Variants in KIAA1549 observed in about 807,000 individuals in gnomAD.
KIAA1549 encodes UPF0606 protein KIAA1549.
Under a neutral mutation model 156.4 loss-of-function variants are expected in KIAA1549, and 70 were observed. The ratio of observed to expected loss-of-function variants is 0.45; its 90% CI spans 0.37 to 0.55. KIAA1549 has a LOEUF of 0.55. Among genes scored for constraint, KIAA1549 ranks in the 20% least tolerant of loss-of-function variants. The probability of loss-of-function intolerance (pLI) is 0.00; values close to 1 mark genes in which losing one functional copy is unlikely to be tolerated. For missense variants in KIAA1549, 2,428 were observed against 2,540.9 expected (o/e 0.96, Z 0.96); for synonymous variants, 1,103 against 1,066.4 (o/e 1.03, Z -0.67).
At chr7:138,980,767 C>T (rs1015448439) in intron 1 of KIAA1549, among the ~76,000 whole-genome samples, 1 of 152,218 alleles carries the variant, frequency 6.6e-6, no homozygotes, top group Admixed American at 6.5e-5. Context: ...CCGGTGCCTG[C>T]ATTCTGCAGG....
chr7:138,969,644 G>A (rs191791753), intron 1 of KIAA1549, among the ~76,000 whole-genome samples: 71 of 152,322 alleles, frequency 4.7e-4, no homozygotes, highest in Non-Finnish European at 7.1e-4. Flanking sequence ...CCAGTCTGGA[G>A]TGCAGTGATG....
In KIAA1549 at chr7:138,835,574, G is replaced by A. The variant is rs922925131; in HGVS notation, c.*2332C>T. The A allele has an allele frequency of 8.9e-6, 2 of 224,416 alleles. No homozygotes were observed. Among genetic ancestry groups the A allele is most frequent in the African/African-American group, 4.5e-5 (2 of 44,814 alleles). The allele number at this position is 224,416 out of a possible 1,614,324, so 13.9% of individuals were successfully genotyped here. A position where few individuals can be genotyped will look rare whatever the true frequency, so the allele number is the denominator to read the frequency against. ...CCTGTATGGCCCTGAGCGGAACTGGGTGAGAAGGGGCCATTTATCCCGTTT... is the reference window on the plus strand; with the variant it reads ...CCTGTATGGCCCTGAGCGGAACTGGATGAGAAGGGGCCATTTATCCCGTTT... On this transcript the variant is annotated 3_prime_UTR_variant, in exon 20 of 20. Transcript: ENST00000422774.
chr7:138,931,690 T>G (rs1812876668), intron 1 of KIAA1549, among the ~76,000 whole-genome samples: 1 of 146,824 alleles, frequency 6.8e-6, no homozygotes. Context: ...AGGCAGAGGT[T>G]GCAGTAAGCC....
rs368652460 is a variant in KIAA1549 at position 138,894,434 on chromosome 7, C to T, written c.3940G>A (p.Val1314Met). 68 of 1,614,028 alleles carry T rather than the reference C, an allele frequency of 4.2e-5. No homozygotes were observed. In the African/African-American group the frequency reaches 7.7e-4, roughly 18 times the overall value. The change falls in exon 10 of 20, where the codon GTG becomes ATG. Residue 1314 changes from valine to methionine, a missense_variant. Physicochemically the swap from Val to Met is conservative, Grantham distance 21. Coordinates refer to ENST00000422774, the MANE Select transcript of KIAA1549 (RefSeq NM_001164665.2). ...TTCCAGTAGAGGATGACAACAATCA[C>T]CATCACCACCAGCACTGGGATGACC... ...GVVIPVLVVMVIVVILYWKLC... is the reference protein window; with the variant it reads ...GVVIPVLVVMMIVVILYWKLC...
chr7:138,918,036 C>T lies in KIAA1549; in HGVS notation c.1590G>A (p.Val530=), dbSNP rs781638625. The change falls in exon 2 of 20, where the codon GTG becomes GTA. Residue 530 remains valine, a synonymous_variant. Transcript: ENST00000422774. This position sits in a 1 kb window ranked among gnomAD's most constrained non-coding sequence, Gnocchi z 4.2. The part of the protein sequence containing the change: ...QVPPAHGRLS[V]PASLDPTAGS... ...CAGCAGTAGGATCAAGTGACGCCGG[C>T]ACAGAGAGGCGGCCGTGGGCAGGGG... The T allele has an allele frequency of 6.2e-7, 1 of 1,610,414 alleles. No homozygotes were observed. The highest frequency in any genetic ancestry group is 8.5e-7 in the Non-Finnish European group (1 of 1,178,278).
chr7:138,840,704 C>A (rs1263445712), intron 18 of KIAA1549, among the ~76,000 whole-genome samples: 1 of 152,110 alleles, frequency 6.6e-6, no homozygotes. Context: ...AAACCTACAC[C>A]CTATGCGCCA....
At chr7:138,880,788 T>C (rs1235387137) in intron 11 of KIAA1549, among the ~76,000 whole-genome samples, 1 of 152,118 alleles carries the variant, frequency 6.6e-6, no homozygotes, top group Non-Finnish European at 1.5e-5. Context: ...TAGGCAATTC[T>C]CCATGTGCTA....
chr7:138,942,266 A>G (rs1813207042), intron 1 of KIAA1549, among the ~76,000 whole-genome samples: 1 of 152,170 alleles, frequency 6.6e-6, no homozygotes, highest in African/African-American at 2.4e-5. Flanking sequence ...AATTTTCATA[A>G]TTGAAGGCAA....
chr7:138,946,827 C>G (rs112630890), intron 1 of KIAA1549, among the ~76,000 whole-genome samples: 1 of 152,132 alleles, frequency 6.6e-6, no homozygotes, highest in East Asian at 1.9e-4. Context: ...TGCCTTTCCC[C>G]AAACTATGAT....
intron 16 of KIAA1549, among the ~76,000 whole-genome samples, chr7:138,858,069 ATCTGTT>A (rs1331801487): frequency 6.6e-6 from 1 of 151,618 alleles, no homozygotes; most frequent in African/African-American, 2.4e-5. Flanking sequence ...TGCTTTTGGT[ATCTGTT>A]TCTAATTTTC....
intron 1 of KIAA1549, among the ~76,000 whole-genome samples, chr7:138,923,811 G>C (rs986508677): frequency 6.6e-6 from 1 of 152,060 alleles, no homozygotes; most frequent in Admixed American, 6.6e-5. Flanking sequence ...AAAATTCTGT[G>C]AATAGATTTT....
chr7:138,849,801 G>A (rs1810186312), intron 17 of KIAA1549, among the ~76,000 whole-genome samples: 1 of 152,104 alleles, frequency 6.6e-6, no homozygotes, highest in Admixed American at 6.6e-5. Context: ...ACTTATAAGT[G>A]AGAACATGTA....
chr7:138,919,518 T>C (rs1812490650), intron 1 of KIAA1549, 80 bp from the exon 2 acceptor site: 1 of 1,529,230 alleles, frequency 6.5e-7, no homozygotes, highest in Non-Finnish European at 8.8e-7. Flanking sequence ...CATGAGAATT[T>C]ACTCATTTAA....
intron 18 of KIAA1549, among the ~76,000 whole-genome samples, chr7:138,840,649 C>T (rs1227469952): frequency 6.6e-6 from 1 of 152,174 alleles, no homozygotes; most frequent in Non-Finnish European, 1.5e-5. Flanking sequence ...TTTCGCCCTC[C>T]CCATTTCCAC....
intron 10 of KIAA1549, among the ~76,000 whole-genome samples, chr7:138,892,786 T>C (rs537150828): frequency 2.0e-5 from 3 of 152,346 alleles, no homozygotes; most frequent in African/African-American, 7.2e-5. Flanking sequence ...AGGTCTAGGT[T>C]TGTAATATGC....
intron 2 of KIAA1549, among the ~76,000 whole-genome samples, chr7:138,915,121 T>G (rs770717452): frequency 1.3e-5 from 2 of 152,164 alleles, no homozygotes; most frequent in Non-Finnish European, 2.9e-5. Context: ...CAATGCCTAA[T>G]CTCCAGCCAT....
At chr7:138,859,051 A>ACACACGCG (rs1363926267) in intron 16 of KIAA1549, among the ~76,000 whole-genome samples, 1 of 149,456 alleles carries the variant, frequency 6.7e-6, no homozygotes, top group African/African-American at 2.5e-5. Flanking sequence ...ACACACACAC[A>ACACACGCG]CGAACAGAAA....
In KIAA1549 at chr7:138,833,748, T is replaced by C. The variant is rs574577916; in HGVS notation, c.*4158A>G. The C allele has an allele frequency of 1.3e-5, 3 of 233,004 alleles. No homozygotes were observed. The Admixed American group carries it at 1.7e-4, about 13-fold the overall frequency. The allele number at this position is 233,004 out of a possible 1,614,324, so 14.4% of individuals were successfully genotyped here. ...CGTGGCCAAACGGCTGCTTGAGATC[T>C]GCTCTAAACAATGACCTCAGTGTCA... On this transcript the variant is annotated 3_prime_UTR_variant, in exon 20 of 20. Coordinates refer to ENST00000422774, the MANE Select transcript of KIAA1549 (RefSeq NM_001164665.2).
At chr7:138,929,052 T>C (rs1381554536) in intron 1 of KIAA1549, among the ~76,000 whole-genome samples, 1 of 152,142 alleles carries the variant, frequency 6.6e-6, no homozygotes, top group Non-Finnish European at 1.5e-5. Context: ...CTGATGAGGG[T>C]GGGTGGCTGA....
Sources: gnomAD v4.1 joint callset for allele counts (sites outside exome capture counted in the v4.1 genomes callset) on GRCh38, gnomAD v4.1.1 for gene constraint, Gnocchi (gnomAD v3.1) non-coding constraint, MANE v1.5 for transcripts, NCBI Gene and HGNC (gene_info 2026-07-23, HGNC 2026-07-21) for gene names.